ABCA13: variants seen among roughly 807,000 people sequenced by gnomAD.
ABCA13 encodes the protein ATP binding cassette subfamily A member 13.
A neutral mutation model predicts 478.7 loss-of-function variants in ABCA13; 476 were observed. The ratio of observed to expected loss-of-function variants is 0.99; its 90% CI spans 0.92 to 1.07. The LOEUF (loss-of-function observed/expected upper bound fraction) is 1.07. Ranked by LOEUF, ABCA13 falls within the 50% of genes least tolerant of loss-of-function variation. ABCA13 has a pLI of 0.00. For synonymous variants in ABCA13, 2,252 were observed against 2,158.9 expected, an observed-to-expected ratio of 1.04 and a Z score of -1.20; for missense variants, 6,060 against 5,910.6, an observed-to-expected ratio of 1.03 and a Z score of -0.83.
Position 48,281,327 on chromosome 7 carries a change from A to G in ABCA13, c.8727-16A>G, listed in dbSNP as rs775035271. 1.3e-5 allele frequency: 20 copies of G among 1,576,650 alleles called. No individual in the cohort carries two copies. Among genetic ancestry groups the G allele is most frequent in the Non-Finnish European group, 1.6e-5 (18 of 1,160,374 alleles). ...TTTTTACCCTTTTATGTCATTGTAT[A>G]TATTTTTTTGCTAAGTGTTGTTGAG... On this transcript the variant is annotated splice_polypyrimidine_tract_variant and intron_variant, in intron 18 of 61. Transcript: ENST00000435803.
intron 38 of ABCA13, among the ~76,000 whole-genome samples, chr7:48,394,617 C>T (rs770550395): frequency 6.6e-5 from 10 of 152,152 alleles, no homozygotes; most frequent in South Asian, 2.1e-4. Context: ...ACTACAGGGA[C>T]GTAGTCTGTT....
At chr7:48,478,310 T>TATATATAA (rs1554531471) in intron 45 of ABCA13, among the ~76,000 whole-genome samples, 8,389 of 146,166 alleles carry the variant, frequency 0.057, 305 homozygotes, top group African/African-American at 0.09. Flanking sequence ...TATATATATA[T>TATATATAA]AATCACACAC....
chr7:48,496,828 C>T (rs530006817), intron 48 of ABCA13, among the ~76,000 whole-genome samples: 3 of 152,074 alleles, frequency 2.0e-5, no homozygotes, highest in African/African-American at 7.2e-5. Context: ...TTTCTTCCTT[C>T]TCTCTTTGTG....
chr7:48,180,842 T>A (rs1795597084), intron 1 of ABCA13, among the ~76,000 whole-genome samples: 1 of 152,056 alleles, frequency 6.6e-6, no homozygotes, highest in South Asian at 2.1e-4. Flanking sequence ...TTCTAGGTTG[T>A]GGTTAGTCAC....
chr7:48,217,863 C>G (rs1786725712), intron 3 of ABCA13, among the ~76,000 whole-genome samples: 2 of 152,118 alleles, frequency 1.3e-5, no homozygotes, highest in African/African-American at 4.8e-5. Context: ...CTTCCCTTTG[C>G]AAGTCTTTTC....
intron 39 of ABCA13, among the ~76,000 whole-genome samples, chr7:48,406,011 A>AATCATAGAGCTCTGTGAGAC (rs1818216465): frequency 6.6e-6 from 1 of 152,204 alleles, no homozygotes; most frequent in Admixed American, 6.5e-5. Flanking sequence ...ACCTCTAGGT[A>AATCATAGAGCTCTGTGAGAC]ATCATAGAGC....
intron 40 of ABCA13, among the ~76,000 whole-genome samples, chr7:48,411,979 C>T (rs1309878396): frequency 6.6e-6 from 1 of 152,112 alleles, no homozygotes; most frequent in East Asian, 1.9e-4. Flanking sequence ...CCTTTTAAGA[C>T]TCCTTCAACC....
rs764336668 is a variant in ABCA13 at position 48,278,307 on chromosome 7, G to A, written c.7113G>A (p.Arg2371=). The change falls in exon 18 of 62, where the codon AGG becomes AGA. Residue 2371 remains arginine, a synonymous_variant. Transcript: ENST00000435803. ...AAGATTTATTTAATGCCCTTCTCAG[G>A]GAAACTTCAATGAAAAATAAGACTG... The part of the protein sequence containing the change: ...FMQDLFNALL[R]ETSMKNKTEN... 3.1e-6 allele frequency: 5 copies of A among 1,612,412 alleles called. No homozygotes were observed. The highest frequency in any genetic ancestry group is 2.7e-5 in the African/African-American group (2 of 74,864).
intron 41 of ABCA13, among the ~76,000 whole-genome samples, chr7:48,425,756 T>TATTTATTTATTTA (rs141602828): frequency 1.6e-5 from 2 of 123,778 alleles, no homozygotes. Flanking sequence ...TTTATTTATT[T>TATTTATTTATTTA]TTTCGAGATG....
At chr7:48,565,727 C>G (rs769974646) in intron 55 of ABCA13, among the ~76,000 whole-genome samples, 4 of 152,134 alleles carry the variant, frequency 2.6e-5, no homozygotes, top group Non-Finnish European at 4.4e-5. Flanking sequence ...ATGAGAGCAT[C>G]GTAATCTTTC....
chr7:48,535,699 T>C (rs1046973481), intron 55 of ABCA13, among the ~76,000 whole-genome samples: 1 of 151,446 alleles, frequency 6.6e-6, no homozygotes, highest in African/African-American at 2.4e-5. Context: ...GCAGTGGGGG[T>C]GGGTGTGTGG....
chr7:48,437,566 A>G (rs1823015447), intron 42 of ABCA13, among the ~76,000 whole-genome samples: 1 of 151,962 alleles, frequency 6.6e-6, no homozygotes, highest in African/African-American at 2.4e-5. Context: ...TTTGGAGATT[A>G]TTTGACAGTT....
Position 48,281,403 on chromosome 7 carries a change from G to T in ABCA13, c.8787G>T (p.Met2929Ile). The part of the protein sequence containing the change: ...QTVKPSEAME[M>I]LQKVKMMVVR... Reference sequence around the variant, plus strand: ...TGAAGCCCTCAGAAGCCATGGAGATGCTGCAGAAAGTGAAGATGATGGTCG... The same window carrying T: ...TGAAGCCCTCAGAAGCCATGGAGATTCTGCAGAAAGTGAAGATGATGGTCG... The change falls in exon 19 of 62, where the codon ATG becomes ATT. Residue 2929 changes from methionine (M) to isoleucine (I), a missense_variant. By Grantham distance (10) the Met-to-Ile change is conservative. Coordinates refer to ENST00000435803, the MANE Select transcript of ABCA13 (RefSeq NM_152701.5). The T allele has an allele frequency of 6.2e-7, 1 of 1,609,312 alleles. No homozygotes were observed.
rs1181915960 is a variant in ABCA13 at position 48,272,759 on chromosome 7, G to A, written c.3093G>A (p.Gln1031=). Residue 1031 remains glutamine (Q), a synonymous_variant, in exon 17 of 62, where the codon CAG becomes CAA. Coordinates refer to ENST00000435803, the MANE Select transcript of ABCA13 (RefSeq NM_152701.5). ...GAATTTCTAATGTATCTTACTGTCA[G>A]CAATTGCTTTCAATTTTTAACTTTT... ...LGGISNVSYC[Q]QLLSIFNFLE... is the part of the protein sequence containing the mutation. 3 of 1,607,708 alleles carry A rather than the reference G, an allele frequency of 1.9e-6. 1 individual carries two copies. The highest frequency in any genetic ancestry group is 3.4e-5 in the Admixed American group (2 of 58,990).
chr7:48,240,750 A>G, intron 9 of ABCA13, 117 bp from the exon 10 acceptor site: 1 of 829,932 alleles, frequency 1.2e-6, no homozygotes, highest in Non-Finnish European at 1.7e-6. Flanking sequence ...TTAATTTACC[A>G]AAAAATAAAG....
intron 1 of ABCA13, among the ~76,000 whole-genome samples, chr7:48,172,797 CAAAAAAAAAAAAAAAAAAAAAA>C (rs36196847): frequency 2.6e-5 from 2 of 75,512 alleles, no homozygotes; most frequent in Non-Finnish European, 4.6e-5. Flanking sequence ...GACTCCGTCT[CAAAAAAAAAAAAAAAAAAAAAA>C]AAAAAAAAAA....
chr7:48,568,315 A>C (rs1409853441), intron 55 of ABCA13, among the ~76,000 whole-genome samples: 4 of 152,090 alleles, frequency 2.6e-5, no homozygotes, highest in Non-Finnish European at 4.4e-5. Context: ...TTTTATCATA[A>C]AAGGGTATTG....
chr7:48,276,613 C>A, intron 17 of ABCA13, 48 bp downstream of exon 17: 3 of 1,469,796 alleles, frequency 2.0e-6, no homozygotes, highest in Non-Finnish European at 2.8e-6. Context: ...CGATATATCT[C>A]AAACTACTTT....
At chr7:48,566,024 G>A (rs1391523957) in intron 55 of ABCA13, among the ~76,000 whole-genome samples, 1 of 152,168 alleles carries the variant, frequency 6.6e-6, no homozygotes, top group Non-Finnish European at 1.5e-5. Context: ...CAGTTTGGAA[G>A]CAAATGAATT....
Sources: allele counts gnomAD v4.1 joint callset (sites outside exome capture counted in the v4.1 genomes callset), GRCh38; gene constraint gnomAD v4.1.1; transcripts MANE v1.5; gene names NCBI Gene and HGNC (gene_info 2026-07-23, HGNC 2026-07-21).